LRRC43: variants seen among roughly 807,000 people sequenced by gnomAD.
The protein encoded by LRRC43 is leucine rich repeat containing 43, also known as leucine-rich repeat-containing protein 43.
Under a neutral mutation model 64.3 loss-of-function variants are expected in LRRC43, and 62 were observed. The ratio of observed to expected loss-of-function variants is 0.96; its 90% CI spans 0.79 to 1.19. LRRC43 has a LOEUF of 1.19. LRRC43 is among the 50% of genes most tolerant of loss of function. LRRC43 has a pLI of 0.00. For synonymous variants in LRRC43, 422 were observed against 382.3 expected (o/e 1.10, Z -1.21); for missense variants, 868 against 845.0 (o/e 1.03, Z -0.34).
chr12:122,180,380 A>G (rs547655952), upstream of LRRC43, among the ~76,000 whole-genome samples: 13 of 151,758 alleles, frequency 8.6e-5, no homozygotes, highest in East Asian at 2.0e-4. Flanking sequence ...CTAGCTGGGC[A>G]TGGTGGCGGG....
chr12:122,183,141 G>A lies in LRRC43; in HGVS notation c.-4G>A. ...AGCGGTTGCCGGGCAACGCGGCCCGGGCCATGGAGGCGTCGTACGAGTCCG... is the reference window on the plus strand; with the variant it reads ...AGCGGTTGCCGGGCAACGCGGCCCGAGCCATGGAGGCGTCGTACGAGTCCG... On this transcript the variant is annotated 5_prime_UTR_variant, in exon 1 of 12. Coordinates refer to ENST00000339777, the MANE Select transcript of LRRC43 (RefSeq NM_001098519.2). The A allele has an allele frequency of 6.5e-7, 1 of 1,539,314 alleles. No individual in the cohort carries two copies. Among genetic ancestry groups the A allele is most frequent in the South Asian group, 1.2e-5 (1 of 84,580 alleles).
chr12:122,191,597 G>T, intron 6 of LRRC43, 30 bp downstream of exon 6: 1 of 1,579,650 alleles, frequency 6.3e-7, no homozygotes, highest in South Asian at 1.1e-5. Context: ...TAGGAGTATG[G>T]GGGGCTCTTG....
chr12:122,190,180 A>G lies in LRRC43; in HGVS notation c.713A>G (p.Gln238Arg), dbSNP rs1199545911. Residue 238 changes from glutamine (Q) to arginine (R), a missense_variant, in exon 5 of 12, where the codon CAG (glutamine) becomes CGG (arginine). Coordinates refer to ENST00000339777, the MANE Select transcript of LRRC43 (RefSeq NM_001098519.2). ...GGCTTCAACGACCTGACAGACCTGC[A>G]GAGCATGGTCACCAGCCTGAGGACC... ...DLGFNDLTDL[Q>R]SMVTSLRTLR... The G allele has an allele frequency of 6.2e-7, 1 of 1,614,006 alleles. No individual in the cohort carries two copies. Among genetic ancestry groups the G allele is most frequent in the Admixed American group, 1.7e-5 (1 of 59,990 alleles).
chr12:122,181,256 A>ATG (rs946355225), upstream of LRRC43, among the ~76,000 whole-genome samples: 5 of 150,856 alleles, frequency 3.3e-5, no homozygotes, highest in African/African-American at 1.2e-4. Flanking sequence ...GAAAGGACAT[A>ATG]TGGTTGGCTG....
At chr12:122,170,021 G>T (rs1953471552) in intron 1 of LRRC43, among the ~76,000 whole-genome samples, 1 of 152,030 alleles carries the variant, frequency 6.6e-6, no homozygotes. Flanking sequence ...TGCCCAGCCT[G>T]GTCTCGAGCT....
chr12:122,173,982 C>A (rs758045919), intron 1 of LRRC43: 29 of 1,614,006 alleles, frequency 1.8e-5, no homozygotes, highest in Non-Finnish European at 2.4e-5. Flanking sequence ...AGAGCACAGA[C>A]GTCGAGGGGC....
chr12:122,174,194 C>T lies in LRRC43; in HGVS notation c.-406+6412C>T, dbSNP rs781704694. The T allele has an allele frequency of 3.7e-6, 6 of 1,614,060 alleles. No homozygotes were observed. The South Asian group carries it at 6.6e-5, about 18-fold the overall frequency. ...CCATGGCGAGAGAGAGCAAGGCCAG[C>T]TTCAGTGGGGGCTTCTGGAGCCAGA... is the stretch of plus-strand genomic sequence containing the variant. On this transcript the variant is annotated intron_variant, in intron 1 of 5. Coordinates refer to the LRRC43 transcript ENST00000537729.
Position 122,174,987 on chromosome 12 carries a change from G to A in LRRC43, c.-406+7205G>A, listed in dbSNP as rs376889860. On this transcript the variant is annotated intron_variant, in intron 1 of 5. Coordinates refer to the LRRC43 transcript ENST00000537729. ...CCCAAGTAGCTGGGACTACAGGCAC[G>A]TGCCACCATGCCCAGCTAATTTTTG... 1.4e-3 allele frequency among the ~76,000 whole-genome samples: 212 copies of A among 151,170 alleles called. 1 individual carries two copies. Among genetic ancestry groups the A allele is most frequent in the South Asian group, 0.012 (55 of 4,764 alleles).
In LRRC43 at chr12:122,184,785, T is replaced by C. The variant is rs1953624011; in HGVS notation, c.411+6T>C. ...TGCGGGTAATAGACAAGAAGGTCAG[T>C]GCTGGGCACGTGGTAGGTGATGTTA... is the stretch of plus-strand genomic sequence containing the variant. On this transcript the variant is annotated splice_donor_region_variant and intron_variant, in intron 2 of 11. Coordinates refer to ENST00000339777, the MANE Select transcript of LRRC43 (RefSeq NM_001098519.2). The surrounding 1 kb of genome is among the most constrained non-coding windows in gnomAD (Gnocchi z 4.0). 3.1e-6 allele frequency: 5 copies of C among 1,591,084 alleles called. No individual in the cohort carries two copies. Among genetic ancestry groups the C allele is most frequent in the Non-Finnish European group, 4.3e-6 (5 of 1,168,858 alleles).
At chr12:122,192,655 T>C in intron 6 of LRRC43, 90 bp from the exon 7 acceptor site, 2 of 1,452,610 alleles carry the variant, frequency 1.4e-6, no homozygotes, top group Non-Finnish European at 9.5e-7. Flanking sequence ...CTCATCCAGA[T>C]GTCGGGAGCT....
intron 6 of LRRC43, 50 bp from the exon 7 acceptor site, chr12:122,192,695 G>A (rs777835127): frequency 1.4e-5 from 22 of 1,598,490 alleles, no homozygotes; most frequent in Middle Eastern, 1.7e-4. Context: ...CATCAGCTGA[G>A]CACATCCTGA....
chr12:122,174,836 T>A (rs569146250), intron 1 of LRRC43, among the ~76,000 whole-genome samples: 73 of 146,602 alleles, frequency 5.0e-4, no homozygotes, highest in South Asian at 8.9e-4. Flanking sequence ...CTTGTTCATA[T>A]CTTTTTTCTT....
rs898710221 is a variant in LRRC43, at chr12:122,200,005, T to G, written c.1350-184T>G. ...CCTTTCTTTTGCTGTCTCCTCTGTA[T>G]CCACACCTTTCTGGCCTTCTGGTCC... On this transcript the variant is annotated intron_variant, in intron 7 of 11. Transcript: ENST00000339777. The surrounding 1 kb of genome is among the most constrained non-coding windows in gnomAD (Gnocchi z 4.6). Among the ~76,000 whole-genome samples the G allele has an allele frequency of 6.6e-6, 1 of 152,196 alleles. No homozygotes were observed. Among genetic ancestry groups the G allele is most frequent in the Non-Finnish European group, 1.5e-5 (1 of 68,036 alleles).
chr12:122,184,665 C>A lies in LRRC43; in HGVS notation c.297C>A (p.Asn99Lys). 6.2e-7 allele frequency: 1 copy of A among 1,614,022 alleles called. No homozygotes were observed. The highest frequency in any genetic ancestry group is 1.7e-5 in the Admixed American group (1 of 60,024). The change falls in exon 2 of 12, where the codon AAC becomes AAA. Residue 99 changes from asparagine to lysine, a missense_variant. Asn to Lys is a moderately conservative substitution (Grantham distance 94, BLOSUM62 0). Coordinates refer to ENST00000339777, the MANE Select transcript of LRRC43 (RefSeq NM_001098519.2). This position sits in a 1 kb window ranked among gnomAD's most constrained non-coding sequence, Gnocchi z 4.0. The stretch of plus-strand genomic sequence containing the variant: ...GCCACTCCCCCTGGGCTCTGCTGAA[C>A]AACTCGAATGCAGAAGACAGTTTCC... ...RSRHSPWALL[N>K]NSNAEDSFLR...
chr12:122,196,658 A>AAT (rs1489415695), intron 7 of LRRC43, among the ~76,000 whole-genome samples: 2 of 151,714 alleles, frequency 1.3e-5, no homozygotes, highest in Non-Finnish European at 2.9e-5. Flanking sequence ...AATCCCAGCT[A>AAT]CTCAGGAGGC....
chr12:122,201,203 C>G, intron 10 of LRRC43, 93 bp from the exon 11 acceptor site: 1 of 1,302,008 alleles, frequency 7.7e-7, no homozygotes, highest in South Asian at 1.2e-5. Flanking sequence ...CTGGACCTGT[C>G]AGAGCCTTGG....
upstream of LRRC43, among the ~76,000 whole-genome samples, chr12:122,179,996 A>C (rs1336415068): frequency 6.6e-6 from 1 of 150,486 alleles, no homozygotes; most frequent in Non-Finnish European, 1.5e-5. Flanking sequence ...AAAGAGAGAG[A>C]GAAAGAAAAG....
In LRRC43 at chr12:122,201,287, T is replaced by C. The variant is rs746672330; in HGVS notation, c.1810-9T>C. ...AGTAAGCATCTCGTTTTGTGGTTCT[T>C]TCTCTCAGGATTCAAAGAAGATTAA... On this transcript the variant is annotated splice_polypyrimidine_tract_variant and intron_variant, in intron 10 of 11. Transcript: ENST00000339777. 6.3e-5 allele frequency: 101 copies of C among 1,613,902 alleles called. No individual in the cohort carries two copies. The highest frequency in any genetic ancestry group is 8.2e-5 in the Non-Finnish European group (97 of 1,179,900).
upstream of LRRC43, among the ~76,000 whole-genome samples, chr12:122,178,971 T>C (rs1953560174): frequency 6.6e-6 from 1 of 152,152 alleles, no homozygotes. Context: ...CCTCTGGGTT[T>C]CTGGTTTGAG....
Sources: allele counts gnomAD v4.1 joint callset (sites outside exome capture counted in the v4.1 genomes callset), GRCh38; gene constraint gnomAD v4.1.1; non-coding constraint Gnocchi (gnomAD v3.1); transcripts MANE v1.5; gene names NCBI Gene and HGNC (gene_info 2026-07-23, HGNC 2026-07-21).